Variants in NSRP1 observed in about 807,000 individuals in gnomAD.
NSRP1 encodes coiled-coil domain containing 55.
NSRP1 carries 24 observed loss-of-function variants against 54.7 expected under a neutral mutation model. The ratio of observed to expected loss-of-function variants is 0.44; its 90% CI spans 0.32 to 0.62. The LOEUF is 0.62. NSRP1 is among the 20% of genes least tolerant of loss of function. The pLI is 0.06. For missense variants in NSRP1, 596 were observed against 651.2 expected (o/e 0.92, Z 0.92); for synonymous variants, 210 against 213.8 (o/e 0.98, Z 0.15).
chr17:30,154,722 A>AAAG (rs954927246), intron 2 of NSRP1: 4 of 152,384 alleles, frequency 2.6e-5, no homozygotes, highest in African/African-American at 9.7e-5. Context: ...AAAAAAAAAA[A>AAAG]AAGAAGAAAA....
intron 2 of NSRP1, among the ~76,000 whole-genome samples, chr17:30,139,292 A>T (rs921688981): frequency 6.6e-6 from 1 of 151,970 alleles, no homozygotes; most frequent in African/African-American, 2.4e-5. Flanking sequence ...CGTTATCCAG[A>T]TATATGATAT....
chr17:30,118,196 C>A (rs1168184661), intron 2 of NSRP1, 23 bp downstream of exon 2: 1 of 1,567,034 alleles, frequency 6.4e-7, no homozygotes, highest in African/African-American at 1.4e-5. Flanking sequence ...ATGTTTTACT[C>A]GTGCATGGTT....
chr17:30,135,266 G>A (rs921110194), intron 2 of NSRP1, among the ~76,000 whole-genome samples: 2 of 151,310 alleles, frequency 1.3e-5, no homozygotes, highest in African/African-American at 2.4e-5. Flanking sequence ...CTACAGGCAC[G>A]TGCCACCATG....
intron 2 of NSRP1, among the ~76,000 whole-genome samples, chr17:30,132,657 T>C (rs989408155): frequency 6.6e-6 from 1 of 152,238 alleles, no homozygotes. Flanking sequence ...TCATGAGCAG[T>C]TCAGTCACAT....
At chr17:30,136,641 TGA>T (rs2071753247) in intron 2 of NSRP1, among the ~76,000 whole-genome samples, 1 of 152,204 alleles carries the variant, frequency 6.6e-6, no homozygotes, top group Non-Finnish European at 1.5e-5. Flanking sequence ...CATTGATTTC[TGA>T]GAGATTAAAA....
chr17:30,152,722 T>C (rs1018562231), intron 2 of NSRP1, among the ~76,000 whole-genome samples: 3 of 152,002 alleles, frequency 2.0e-5, no homozygotes, highest in Non-Finnish European at 4.4e-5. Context: ...GGAAGATACA[T>C]TGTTAAAAGC....
chr17:30,181,092 C>T (rs1905277156), intron 6 of NSRP1, 76 bp downstream of exon 6: 1 of 910,338 alleles, frequency 1.1e-6, no homozygotes, highest in African/African-American at 1.6e-5. Context: ...TTTTAACCCT[C>T]TGAAAGATGG....
chr17:30,147,442 G>T (rs1168788094), intron 2 of NSRP1, among the ~76,000 whole-genome samples: 1 of 150,610 alleles, frequency 6.6e-6, no homozygotes. Context: ...ACTTTTGTTT[G>T]TTTGGTTGGT....
intron 6 of NSRP1, among the ~76,000 whole-genome samples, chr17:30,182,831 G>A (rs1488840247): frequency 1.3e-5 from 2 of 152,040 alleles, no homozygotes; most frequent in African/African-American, 2.4e-5. Flanking sequence ...CTACTTGGGA[G>A]GCTGAGGCAG....
At chr17:30,118,894 A>T (rs1267375939) in intron 2 of NSRP1, among the ~76,000 whole-genome samples, 1 of 151,014 alleles carries the variant, frequency 6.6e-6, no homozygotes, top group Non-Finnish European at 1.5e-5. Context: ...GATTACAGGC[A>T]CCTGCCATCA....
chr17:30,140,064 A>T (rs991949113), intron 2 of NSRP1, among the ~76,000 whole-genome samples: 1 of 152,228 alleles, frequency 6.6e-6, no homozygotes, highest in African/African-American at 2.4e-5. Context: ...TCATAGTCTC[A>T]CAAGTATTTG....
chr17:30,135,427 T>A (rs1013846606), intron 2 of NSRP1, among the ~76,000 whole-genome samples: 6 of 148,286 alleles, frequency 4.0e-5, no homozygotes, highest in Non-Finnish European at 9.0e-5. Flanking sequence ...GCCTGGCGCT[T>A]ATCAGAGTTA....
rs1363109128 is a variant in NSRP1, at chr17:30,116,870, G to T, written c.20+7G>T. ...TGGCGATTCCGGGCAGGCAGTGAGTGATCCGGGAGTTAGGGTCAGGCTGGG... is the reference window on the plus strand; with the variant it reads ...TGGCGATTCCGGGCAGGCAGTGAGTTATCCGGGAGTTAGGGTCAGGCTGGG... On this transcript the variant is annotated splice_region_variant and intron_variant, in intron 1 of 6. Coordinates refer to ENST00000247026, the MANE Select transcript of NSRP1 (RefSeq NM_032141.4). 2 of 1,573,064 alleles carry T rather than the reference G, an allele frequency of 1.3e-6. No individual in the cohort carries two copies. The highest frequency in any genetic ancestry group is 2.3e-5 in the South Asian group (2 of 85,660).
intron 2 of NSRP1, among the ~76,000 whole-genome samples, chr17:30,161,424 A>T (rs1904511918): frequency 6.6e-6 from 1 of 152,062 alleles, no homozygotes; most frequent in Admixed American, 6.6e-5. Flanking sequence ...GTTTTAATTT[A>T]TGTGGCTTTA....
chr17:30,124,160 A>AG (rs1379974239), intron 2 of NSRP1, among the ~76,000 whole-genome samples: 1 of 151,956 alleles, frequency 6.6e-6, no homozygotes, highest in East Asian at 1.9e-4. Context: ...GGTACTTGGA[A>AG]GGCTCAGGTG....
intron 2 of NSRP1, among the ~76,000 whole-genome samples, chr17:30,166,218 TTC>T (rs1294895677): frequency 6.6e-6 from 1 of 152,122 alleles, no homozygotes; most frequent in Non-Finnish European, 1.5e-5. Flanking sequence ...TGTAGACTGT[TTC>T]TGAGTCTACA....
intron 2 of NSRP1, among the ~76,000 whole-genome samples, chr17:30,131,891 C>G (rs1474619959): frequency 1.3e-5 from 2 of 152,140 alleles, no homozygotes; most frequent in African/African-American, 4.8e-5. Context: ...ATGTAATAAT[C>G]TAAATTCTTT....
intron 5 of NSRP1, among the ~76,000 whole-genome samples, chr17:30,180,375 C>T (rs982187656): frequency 1.3e-5 from 2 of 151,946 alleles, no homozygotes; most frequent in African/African-American, 4.8e-5. Flanking sequence ...AGGTTGGTCT[C>T]GAACTCCTGA....
At chr17:30,171,969 CA>C (rs1904953929) in intron 2 of NSRP1, among the ~76,000 whole-genome samples, 26 of 132,184 alleles carry the variant, frequency 2.0e-4, no homozygotes, top group Middle Eastern at 3.6e-3. Context: ...CACACACACA[CA>C]CACTCCCTCT....
Sources: gnomAD v4.1 joint callset for allele counts (sites outside exome capture counted in the v4.1 genomes callset) on GRCh38, gnomAD v4.1.1 for gene constraint, MANE v1.5 for transcripts, NCBI Gene and HGNC (gene_info 2026-07-23, HGNC 2026-07-21) for gene names.